UNC79: variants seen among roughly 807,000 people sequenced by gnomAD.
UNC79 encodes unc-79 subunit of NALCN channel complex.
Under a neutral mutation model 283.1 loss-of-function variants are expected in UNC79, and 37 were observed. The ratio of observed to expected loss-of-function variants is 0.13; its 90% CI spans 0.10 to 0.17. The LOEUF (loss-of-function observed/expected upper bound fraction) is 0.17. Ranked by LOEUF, UNC79 falls within the 10% of genes least tolerant of loss-of-function variation. UNC79 has a pLI of 1.00. For synonymous variants in UNC79, 1,107 were observed against 1,200.2 expected (o/e 0.92, Z 1.61); for missense variants, 2,272 against 3,211.1 (o/e 0.71, Z 7.07).
chr14:93,501,367 T>TA (rs1214782785), intron 7 of UNC79, among the ~76,000 whole-genome samples: 5 of 151,654 alleles, frequency 3.3e-5, no homozygotes, highest in South Asian at 2.1e-4. Context: ...AATTTTTTTT[T>TA]AAAAAGGAAA....
intron 1 of UNC79, among the ~76,000 whole-genome samples, chr14:93,435,978 C>T (rs1327176831): frequency 1.3e-5 from 2 of 152,156 alleles, no homozygotes; most frequent in Non-Finnish European, 2.9e-5. Flanking sequence ...TGTGGTCACA[C>T]TATATTTCAA....
At chr14:93,624,626 A>T (rs976477950) in intron 30 of UNC79, among the ~76,000 whole-genome samples, 4 of 152,218 alleles carry the variant, frequency 2.6e-5, no homozygotes, top group African/African-American at 9.7e-5. Flanking sequence ...ATTTGTTAAC[A>T]GAACAGGGGA....
chr14:93,670,071 G>C (rs2072668530), intron 40 of UNC79, among the ~76,000 whole-genome samples: 1 of 152,152 alleles, frequency 6.6e-6, no homozygotes, highest in Non-Finnish European at 1.5e-5. Flanking sequence ...TTGTTTGTCT[G>C]GGAGGTGATT....
At chr14:93,509,459 T>C (rs550863349) in intron 7 of UNC79, among the ~76,000 whole-genome samples, 2 of 152,222 alleles carry the variant, frequency 1.3e-5, no homozygotes, top group South Asian at 2.1e-4. Flanking sequence ...CCACCTATGA[T>C]CCTGTAAAAT....
intron 1 of UNC79, among the ~76,000 whole-genome samples, chr14:93,459,996 A>G (rs1411558541): frequency 8.0e-6 from 1 of 124,870 alleles, no homozygotes; most frequent in Non-Finnish European, 1.7e-5. Context: ...AACCCTCACA[A>G]TAACTTTGCA....
intron 27 of UNC79, among the ~76,000 whole-genome samples, chr14:93,614,316 T>C (rs764057483): frequency 6.6e-6 from 1 of 150,766 alleles, no homozygotes; most frequent in Non-Finnish European, 1.5e-5. Flanking sequence ...TATTTATTTA[T>C]TTATTTATTT....
intron 1 of UNC79, among the ~76,000 whole-genome samples, chr14:93,446,684 G>A (rs1027708175): frequency 1.5e-4 from 23 of 152,222 alleles, no homozygotes; most frequent in African/African-American, 2.6e-4. Flanking sequence ...GTGAGCCACC[G>A]TGCCCAGCCT....
intron 35 of UNC79, among the ~76,000 whole-genome samples, chr14:93,650,275 A>C (rs569183985): frequency 5.3e-4 from 81 of 152,268 alleles, no homozygotes; most frequent in African/African-American, 1.9e-3. Flanking sequence ...GAACATTCTT[A>C]TAAAAGCCCT....
chr14:93,369,240 G>A (rs7142004), intron 1 of UNC79, among the ~76,000 whole-genome samples: 6,023 of 152,238 alleles, frequency 0.04, 408 homozygotes, highest in African/African-American at 0.14. Context: ...GAAATTCTTC[G>A]ACTTGATTCC....
intron 1 of UNC79, among the ~76,000 whole-genome samples, chr14:93,375,486 G>A (rs1356731802): frequency 6.6e-6 from 1 of 152,196 alleles, no homozygotes; most frequent in African/African-American, 2.4e-5. Flanking sequence ...ATTAATAGGT[G>A]TATTAGTCCA....
intron 1 of UNC79, among the ~76,000 whole-genome samples, chr14:93,400,604 G>A (rs2055089091): frequency 1.3e-5 from 2 of 152,164 alleles, no homozygotes; most frequent in Non-Finnish European, 2.9e-5. Flanking sequence ...GGGAAGGGAT[G>A]ACGTGAATAA....
rs2068337884 is a variant in UNC79 at position 93,634,499 on chromosome 14, TCTC to T, written c.5717-2714_5717-2712del. On this transcript the variant is annotated intron_variant, in intron 31 of 48. Coordinates refer to ENST00000555664, the Ensembl canonical transcript of UNC79. ...CTGTGGAAATTTATTATTATAATCA[TCTC>T]CTAATTTCCTCCATCTAGCTCAGTA... 1 of 1,535,006 alleles carries T rather than the reference TCTC, an allele frequency of 6.5e-7. No individual in the cohort carries two copies. Among genetic ancestry groups the T allele is most frequent in the African/African-American group, 1.4e-5 (1 of 73,240 alleles).
chr14:93,679,720 T>C (rs2073677139), intron 41 of UNC79, among the ~76,000 whole-genome samples: 1 of 152,160 alleles, frequency 6.6e-6, no homozygotes, highest in Non-Finnish European at 1.5e-5. Flanking sequence ...GAAGACATTA[T>C]TTTGGGTATC....
chr14:93,485,389 C>T (rs981028790), intron 4 of UNC79, among the ~76,000 whole-genome samples: 1 of 151,846 alleles, frequency 6.6e-6, no homozygotes, highest in African/African-American at 2.4e-5. Flanking sequence ...TTTCTCGTCC[C>T]TCTAATAGTA....
intron 1 of UNC79, among the ~76,000 whole-genome samples, chr14:93,406,008 A>G (rs550453170): frequency 1.9e-4 from 29 of 152,298 alleles, no homozygotes; most frequent in Admixed American, 1.9e-3. Flanking sequence ...AGTCCTGGGT[A>G]GACAGGATGG....
At chr14:93,368,967 GA>G (rs2054390569) in intron 1 of UNC79, among the ~76,000 whole-genome samples, 1 of 152,228 alleles carries the variant, frequency 6.6e-6, no homozygotes, top group African/African-American at 2.4e-5. Context: ...GTGCTTGGAT[GA>G]GGTCACTGGA....
intron 14 of UNC79, among the ~76,000 whole-genome samples, chr14:93,549,489 A>C (rs1056237724): frequency 8.5e-5 from 13 of 152,240 alleles, no homozygotes; most frequent in Non-Finnish European, 1.8e-4. Flanking sequence ...TACTGAAATC[A>C]CGTACACCTG....
In UNC79 at chr14:93,454,038, C is replaced by T. The variant is rs567164533; in HGVS notation, c.23-13633C>T. Among the ~76,000 whole-genome samples, 115 of 125,964 alleles carry T rather than the reference C, an allele frequency of 9.1e-4. 3 individuals are homozygous for T. The highest frequency in any genetic ancestry group is 3.3e-5 in the Non-Finnish European group (2 of 61,072). The allele number at this position is 125,964 out of a possible 152,430, so 82.6% of individuals were successfully genotyped here. A position where few individuals can be genotyped will look rare whatever the true frequency, so the allele number is the denominator to read the frequency against. ...CATGTGAAGCATTTCCATGTTTAGACTTTTTAAATCTTTTTTTTTTTTTTT... is the reference window on the plus strand; with the variant it reads ...CATGTGAAGCATTTCCATGTTTAGATTTTTTAAATCTTTTTTTTTTTTTTT... On this transcript the variant is annotated intron_variant, in intron 1 of 48. Transcript: ENST00000555664.
chr14:93,646,507 C>G, intron 34 of UNC79, 101 bp from the exon 38 acceptor site: 1 of 1,118,488 alleles, frequency 8.9e-7, no homozygotes, highest in Non-Finnish European at 1.3e-6. Context: ...TACATGTCTC[C>G]CCATCTAAAC....
Sources: gnomAD v4.1 joint callset for allele counts (sites outside exome capture counted in the v4.1 genomes callset) on GRCh38, gnomAD v4.1.1 for gene constraint, MANE v1.5 for transcripts, NCBI Gene and HGNC (gene_info 2026-07-23, HGNC 2026-07-21) for gene names.